Variants in LRRC69 observed in about 807,000 individuals in gnomAD.
LRRC69 encodes leucine-rich repeat-containing protein 69.
In LRRC69, 42 loss-of-function variants were observed where a neutral mutation model predicts 37.8. The observed-to-expected ratio is 1.11, with a 90% CI of 0.87 to 1.44. LRRC69 has a LOEUF of 1.44. LRRC69 is among the 40% of genes most tolerant of loss of function. The pLI is 0.00. For synonymous variants in LRRC69, 141 were observed against 143.1 expected, an observed-to-expected ratio of 0.99 and a Z score of 0.11; for missense variants, 357 against 401.9, an observed-to-expected ratio of 0.89 and a Z score of 0.96.
chr8:91,154,198 AGTTCT>A (rs1344419276), intron 5 of LRRC69, among the ~76,000 whole-genome samples: 1 of 151,706 alleles, frequency 6.6e-6, no homozygotes, highest in Non-Finnish European at 1.5e-5. Context: ...ACCAATAACA[AGTTCT>A]GAAATTGAGG....
Position 91,158,727 on chromosome 8 carries a change from C to T in LRRC69, c.651+22988C>T, listed in dbSNP as rs1808883815. 5 of 1,022,710 alleles carry T rather than the reference C, an allele frequency of 4.9e-6. No individual in the cohort carries two copies. The South Asian group carries it at 6.3e-5, about 13-fold the overall frequency. 63.4% of individuals were successfully genotyped at this position (1,022,710 alleles called of 1,614,324 possible). ...AATGGAAACCACTTACATTGTTCTA[C>T]AAAATGAAGACACCAAGTCTGGCTG... is the stretch of plus-strand genomic sequence containing the variant. On this transcript the variant is annotated intron_variant, in intron 5 of 7. Coordinates refer to ENST00000448384, the Ensembl canonical transcript of LRRC69.
At chr8:91,195,943 T>G (rs1449789240) in intron 6 of LRRC69, among the ~76,000 whole-genome samples, 1 of 152,246 alleles carries the variant, frequency 6.6e-6, no homozygotes, top group Non-Finnish European at 1.5e-5. Context: ...CTAGTCCTGA[T>G]GGTCTTTACA....
At chr8:91,200,041 G>A (rs1809686318) in intron 6 of LRRC69, among the ~76,000 whole-genome samples, 1 of 152,112 alleles carries the variant, frequency 6.6e-6, no homozygotes, top group African/African-American at 2.4e-5. Flanking sequence ...CAGGTTCTCA[G>A]TGCAGCAAGG....
At chr8:91,174,010 C>T (rs893317515) in intron 5 of LRRC69, among the ~76,000 whole-genome samples, 2 of 25,884 alleles carry the variant, frequency 7.7e-5, no homozygotes, top group African/African-American at 3.9e-4. Flanking sequence ...CATGACTTGC[C>T]TACTTTAGAC....
At chr8:91,156,351 G>A (rs988215779) in intron 5 of LRRC69, among the ~76,000 whole-genome samples, 7 of 150,950 alleles carry the variant, frequency 4.6e-5, no homozygotes, top group African/African-American at 1.7e-4. Context: ...TCAGATACTT[G>A]TTGGCCATTT....
At chr8:91,131,662 A>G (rs958585085) in intron 3 of LRRC69, among the ~76,000 whole-genome samples, 1 of 151,818 alleles carries the variant, frequency 6.6e-6, no homozygotes. Context: ...TTATTTTCCA[A>G]TTGTTTGTGG....
At chr8:91,105,558 C>T (rs1044661799) in intron 1 of LRRC69, among the ~76,000 whole-genome samples, 1 of 150,846 alleles carries the variant, frequency 6.6e-6, no homozygotes, top group Non-Finnish European at 1.5e-5. Context: ...TGGCACGTGC[C>T]TCTGGTCCCA....
At chr8:91,178,945 CT>C (rs1333378699) in intron 5 of LRRC69, among the ~76,000 whole-genome samples, 1 of 152,188 alleles carries the variant, frequency 6.6e-6, no homozygotes, top group East Asian at 1.9e-4. Flanking sequence ...TTCGCCTTGA[CT>C]TTTAAGGTTC....
intron 5 of LRRC69, among the ~76,000 whole-genome samples, chr8:91,153,323 G>A (rs1402648544): frequency 6.6e-6 from 1 of 151,122 alleles, no homozygotes; most frequent in Non-Finnish European, 1.5e-5. Context: ...AAATTAACAA[G>A]GATATTCAGG....
chr8:91,157,561 G>A, intron 5 of LRRC69: 1 of 1,526,160 alleles, frequency 6.6e-7, no homozygotes, highest in South Asian at 1.1e-5. Context: ...TTTACTCCTG[G>A]AAGATAATAT....
Position 91,189,608 on chromosome 8 carries a change from C to T in LRRC69, c.738C>T (p.Asn246=), listed in dbSNP as rs138518526. ...CAGTGATTTCTACACAGCAGGAGAA[C>T]GTCTGGAGTCTACAGGTGAAGACTT... The change falls in exon 6 of 8, where the codon AAC becomes AAT. Residue 246 remains asparagine (N), a synonymous_variant. Coordinates refer to ENST00000448384, the Ensembl canonical transcript of LRRC69. 1,467 of 1,550,012 alleles carry T rather than the reference C, an allele frequency of 9.5e-4. 3 individuals are homozygous for T. Among genetic ancestry groups the T allele is most frequent in the Non-Finnish European group, 1.2e-3 (1,380 of 1,145,620 alleles).
At chr8:91,206,902 T>C in intron 7 of LRRC69, 3 of 1,192,400 alleles carry the variant, frequency 2.5e-6, no homozygotes, top group South Asian at 1.4e-5. Flanking sequence ...AGGGAACTCA[T>C]ACATGTTATT....
intron 5 of LRRC69, among the ~76,000 whole-genome samples, chr8:91,153,521 A>T (rs906235330): frequency 2.4e-4 from 36 of 151,898 alleles, no homozygotes; most frequent in Non-Finnish European, 4.6e-4. Context: ...AGTCTCTCAG[A>T]CCGCTGTGCA....
chr8:91,126,825 C>A (rs983618146), intron 2 of LRRC69, among the ~76,000 whole-genome samples: 2 of 152,016 alleles, frequency 1.3e-5, no homozygotes, highest in African/African-American at 2.4e-5. Flanking sequence ...TTCTCAGGTT[C>A]TGGGTGCTTT....
chr8:91,188,835 GTTTT>G (rs575348391), intron 5 of LRRC69, among the ~76,000 whole-genome samples: 1 of 139,224 alleles, frequency 7.2e-6, no homozygotes, highest in Non-Finnish European at 1.6e-5. Context: ...TCCGTCTTCT[GTTTT>G]TTTTTTTTTT....
intron 5 of LRRC69, among the ~76,000 whole-genome samples, chr8:91,184,292 C>A (rs1809370458): frequency 6.6e-6 from 1 of 152,040 alleles, no homozygotes; most frequent in Admixed American, 6.5e-5. Flanking sequence ...ATCCCCCCAC[C>A]CCGAATTTAA....
At chr8:91,143,735 A>G (rs550998912) in intron 5 of LRRC69, among the ~76,000 whole-genome samples, 4 of 152,150 alleles carry the variant, frequency 2.6e-5, no homozygotes, top group African/African-American at 9.6e-5. Context: ...TATCATAAAT[A>G]AAATTTGAGA....
intron 6 of LRRC69, among the ~76,000 whole-genome samples, chr8:91,197,615 G>A (rs1260936213): frequency 3.9e-5 from 6 of 152,140 alleles, no homozygotes; most frequent in Non-Finnish European, 7.3e-5. Flanking sequence ...TCCAGATGCC[G>A]TCCGACACCC....
intron 1 of LRRC69, among the ~76,000 whole-genome samples, chr8:91,112,056 G>A (rs2130481639): frequency 6.6e-6 from 1 of 152,052 alleles, no homozygotes; most frequent in East Asian, 1.9e-4. Flanking sequence ...AATTATTGGA[G>A]AACCAAGATA....
Sources: gnomAD v4.1 joint callset for allele counts (sites outside exome capture counted in the v4.1 genomes callset) on GRCh38, gnomAD v4.1.1 for gene constraint, MANE v1.5 for transcripts, NCBI Gene and HGNC (gene_info 2026-07-23, HGNC 2026-07-21) for gene names.